The following ROBO2 variants were observed in gnomAD, a reference collection of about 807,000 sequenced individuals.
ROBO2 encodes roundabout homolog 2.
ROBO2 carries 53 observed loss-of-function variants against 160.8 expected under a neutral mutation model. The observed-to-expected ratio is 0.33, with a 90% CI of 0.26 to 0.41. The LOEUF (loss-of-function observed/expected upper bound fraction) is 0.41. Ranked by LOEUF, ROBO2 falls within the 10% of genes least tolerant of loss-of-function variation. The pLI is 1.00. For synonymous variants in ROBO2, 664 were observed against 611.7 expected, an observed-to-expected ratio of 1.09 and a Z score of -1.26; for missense variants, 1,577 against 1,722.4, an observed-to-expected ratio of 0.92 and a Z score of 1.49.
intron 2 of ROBO2, among the ~76,000 whole-genome samples, chr3:76,011,304 TGCCA>T (rs1237208517): frequency 1.3e-5 from 2 of 152,168 alleles, no homozygotes; most frequent in Admixed American, 6.5e-5. Flanking sequence ...GTTGAGATGC[TGCCA>T]GCCCGTGATT....
chr3:77,473,745 C>A (rs939108110), intron 2 of ROBO2, among the ~76,000 whole-genome samples: 1 of 151,998 alleles, frequency 6.6e-6, no homozygotes, highest in Non-Finnish European at 1.5e-5. Context: ...CGTGAGCCAC[C>A]GCGCCTGGCT....
At chr3:76,526,170 C>T (rs189890365) in intron 2 of ROBO2, among the ~76,000 whole-genome samples, 2 of 152,126 alleles carry the variant, frequency 1.3e-5, no homozygotes, top group Admixed American at 1.3e-4. Flanking sequence ...AAAACTGAGA[C>T]AAGGGAAGTT....
intron 2 of ROBO2, among the ~76,000 whole-genome samples, chr3:77,418,377 C>T (rs55678577): frequency 0.023 from 3,452 of 152,070 alleles, 108 homozygotes; most frequent in African/African-American, 0.068. Context: ...ATTTTTATTG[C>T]GGTTATAAAT....
At chr3:77,506,252 G>A (rs1243835689) in intron 5 of ROBO2, among the ~76,000 whole-genome samples, 3 of 152,090 alleles carry the variant, frequency 2.0e-5, no homozygotes, top group African/African-American at 7.2e-5. Flanking sequence ...AGAGTCCAAA[G>A]TTCAGTAAAC....
intron 2 of ROBO2, among the ~76,000 whole-genome samples, chr3:76,674,996 C>T (rs2092371450): frequency 1.3e-5 from 2 of 152,094 alleles, no homozygotes; most frequent in Non-Finnish European, 2.9e-5. Flanking sequence ...ATAGTAGCTC[C>T]TTTGGAGAGC....
chr3:76,158,280 C>T (rs2072487402), intron 2 of ROBO2, among the ~76,000 whole-genome samples: 1 of 152,084 alleles, frequency 6.6e-6, no homozygotes, highest in Admixed American at 6.6e-5. Flanking sequence ...TCTCTCCATC[C>T]TCTCTGTTCT....
intron 2 of ROBO2, among the ~76,000 whole-genome samples, chr3:76,557,699 A>T (rs1312840966): frequency 1.5e-5 from 2 of 134,040 alleles, no homozygotes; most frequent in African/African-American, 5.7e-5. Flanking sequence ...AATTCCTTTG[A>T]TTTTCTTCTT....
chr3:76,759,854 C>A (rs185386781), intron 2 of ROBO2, among the ~76,000 whole-genome samples: 1 of 151,852 alleles, frequency 6.6e-6, no homozygotes, highest in East Asian at 2.0e-4. Context: ...TTCCCAGGTG[C>A]TTTTCACAGC....
intron 2 of ROBO2, among the ~76,000 whole-genome samples, chr3:76,428,062 C>CT (rs569167613): frequency 7.8e-4 from 118 of 152,086 alleles, no homozygotes; most frequent in Non-Finnish European, 1.4e-3. Context: ...AAATGGATGA[C>CT]TTTTTTTTCT....
At chr3:75,961,491 A>T (rs988919100) in intron 2 of ROBO2, among the ~76,000 whole-genome samples, 1 of 151,698 alleles carries the variant, frequency 6.6e-6, no homozygotes, top group Non-Finnish European at 1.5e-5. Context: ...ATGAGATTAC[A>T]GGTTAAAGTT....
intron 2 of ROBO2, among the ~76,000 whole-genome samples, chr3:76,663,812 G>A (rs2091917941): frequency 6.6e-6 from 1 of 152,066 alleles, no homozygotes. Flanking sequence ...GCTGAGGCAG[G>A]AGAATCGCTT....
chr3:77,546,144 G>A (rs2092688575), intron 6 of ROBO2, among the ~76,000 whole-genome samples, 194 bp from the exon 8 acceptor site: 1 of 152,066 alleles, frequency 6.6e-6, no homozygotes, highest in African/African-American at 2.4e-5. Context: ...CTGCTAAAAA[G>A]TTTGCTTCTT....
intron 2 of ROBO2, among the ~76,000 whole-genome samples, chr3:77,006,305 TTGTG>T (rs60754546): frequency 0.011 from 1,628 of 143,928 alleles, 20 homozygotes; most frequent in South Asian, 0.015. Context: ...ATTTTAATAT[TTGTG>T]TGTGTGTGTG....
chr3:76,605,536 C>T (rs2087581572), intron 2 of ROBO2, among the ~76,000 whole-genome samples: 1 of 152,106 alleles, frequency 6.6e-6, no homozygotes, highest in Non-Finnish European at 1.5e-5. Flanking sequence ...TGTACATGGT[C>T]TAACTGTGTA....
intron 2 of ROBO2, among the ~76,000 whole-genome samples, chr3:76,506,175 G>A (rs927841499): frequency 6.6e-6 from 1 of 151,964 alleles, no homozygotes; most frequent in Non-Finnish European, 1.5e-5. Context: ...TCTTCAGCTG[G>A]GCACACATAT....
intron 2 of ROBO2, among the ~76,000 whole-genome samples, chr3:75,996,672 C>A (rs537862942): frequency 6.6e-6 from 1 of 152,198 alleles, no homozygotes; most frequent in African/African-American, 2.4e-5. Context: ...ATACACTGTA[C>A]AAATATTTCT....
At chr3:76,452,984 T>C (rs10440076) in intron 2 of ROBO2, among the ~76,000 whole-genome samples, 69,442 of 151,790 alleles carry the variant, frequency 0.46, 16,302 homozygotes, top group Non-Finnish European at 0.53. Flanking sequence ...TTTTGAGAAG[T>C]GTCTGTTCAT....
At chr3:76,348,264 C>T (rs1389727842) in intron 2 of ROBO2, among the ~76,000 whole-genome samples, 1 of 152,108 alleles carries the variant, frequency 6.6e-6, no homozygotes, top group Non-Finnish European at 1.5e-5. Context: ...TGGGTTGCAT[C>T]TTCTGGGGAG....
chr3:77,559,807 T>C (rs1045046429), intron 9 of ROBO2, among the ~76,000 whole-genome samples: 3 of 151,996 alleles, frequency 2.0e-5, no homozygotes, highest in African/African-American at 4.8e-5. Flanking sequence ...ATATATATAA[T>C]ATTTATCTTT....
Sources: gnomAD v4.1 joint callset for allele counts (sites outside exome capture counted in the v4.1 genomes callset) on GRCh38, gnomAD v4.1.1 for gene constraint, MANE v1.5 for transcripts, NCBI Gene and HGNC (gene_info 2026-07-23, HGNC 2026-07-21) for gene names.